TRPM6: variants seen among roughly 807,000 people sequenced by gnomAD.
The protein encoded by TRPM6 is transient receptor potential cation channel subfamily M member 6.
In TRPM6, 111 loss-of-function variants were observed where a neutral mutation model predicts 247.6. That is an observed-to-expected ratio of 0.45 (90% CI 0.38 to 0.52). The LOEUF is 0.52. Ranked by LOEUF, TRPM6 falls within the 20% of genes least tolerant of loss-of-function variation. TRPM6 has a pLI of 0.00. For synonymous variants in TRPM6, 892 were observed against 853.8 expected (o/e 1.04, Z -0.78); for missense variants, 2,126 against 2,421.5 (o/e 0.88, Z 2.56).
intron 24 of TRPM6, among the ~76,000 whole-genome samples, chr9:74,775,312 C>T (rs901551670): frequency 2.6e-5 from 4 of 152,156 alleles, no homozygotes; most frequent in African/African-American, 4.8e-5. Context: ...GCCTCAACCT[C>T]CTGAGTAGCT....
chr9:74,817,600 C>G (rs1828981660), intron 9 of TRPM6, among the ~76,000 whole-genome samples: 1 of 152,192 alleles, frequency 6.6e-6, no homozygotes, highest in Non-Finnish European at 1.5e-5. Flanking sequence ...CGGTCTTTGA[C>G]TCTTTTAAAG....
chr9:74,854,291 G>A (rs1425046134), intron 3 of TRPM6, among the ~76,000 whole-genome samples: 1 of 152,212 alleles, frequency 6.6e-6, no homozygotes, highest in Non-Finnish European at 1.5e-5. Flanking sequence ...TCTGAAGGTT[G>A]TGGGGTTGAG....
chr9:74,785,774 T>C lies in TRPM6; in HGVS notation c.2919+100A>G, dbSNP rs527701366. The C allele has an allele frequency of 9.4e-4, 1,259 of 1,346,408 alleles. 2 individuals carry two copies. Among genetic ancestry groups the C allele is most frequent in the South Asian group, 1.9e-3 (157 of 84,792 alleles). The allele number at this position is 1,346,408 out of a possible 1,614,324, so 83.4% of individuals were successfully genotyped here. A position where few individuals can be genotyped will look rare whatever the true frequency, so the allele number is the denominator to read the frequency against. On this transcript the variant is annotated intron_variant, in intron 21 of 38. Coordinates refer to ENST00000360774, the MANE Select transcript of TRPM6 (RefSeq NM_017662.5). The stretch of plus-strand genomic sequence containing the variant: ...TCCTGACCTTGTGATCCGCCCGCCT[T>C]GGCCTCCCAAAGTGCTGGGATTACA...
chr9:74,856,973 C>T (rs932495408), intron 2 of TRPM6, among the ~76,000 whole-genome samples: 5 of 152,148 alleles, frequency 3.3e-5, no homozygotes, highest in Non-Finnish European at 5.9e-5. Flanking sequence ...GAATTACAAT[C>T]GTTGATACTC....
At chr9:74,732,555 A>G (rs1302750006) in intron 37 of TRPM6, 130 bp downstream of exon 37, 5 of 658,166 alleles carry the variant, frequency 7.6e-6, no homozygotes, top group Admixed American at 2.8e-5. Flanking sequence ...TTTTTGGTCT[A>G]TATACATAAG....
chr9:74,828,934 T>C (rs1210153121), intron 6 of TRPM6, among the ~76,000 whole-genome samples: 1 of 152,186 alleles, frequency 6.6e-6, no homozygotes, highest in Non-Finnish European at 1.5e-5. Flanking sequence ...AAAAATAGTG[T>C]CTTTTTATAG....
At chr9:74,766,463 A>G (rs183211845) in intron 25 of TRPM6, among the ~76,000 whole-genome samples, 9 of 152,356 alleles carry the variant, frequency 5.9e-5, no homozygotes, top group Non-Finnish European at 1.3e-4. Context: ...AAATGAGATA[A>G]CGGCAAGTAT....
At chr9:74,740,190 A>G (rs1825819303) in intron 33 of TRPM6, among the ~76,000 whole-genome samples, 181 bp from the exon 34 acceptor site, 1 of 152,216 alleles carries the variant, frequency 6.6e-6, no homozygotes, top group Non-Finnish European at 1.5e-5. Flanking sequence ...CATGTTATTT[A>G]TTGTCTAGTA....
chr9:74,747,068 A>C (rs1262771932), intron 31 of TRPM6, among the ~76,000 whole-genome samples: 3 of 152,234 alleles, frequency 2.0e-5, no homozygotes, highest in Admixed American at 6.5e-5. Flanking sequence ...ATCAAATGCC[A>C]TGAGTTCAAC....
intron 19 of TRPM6, among the ~76,000 whole-genome samples, chr9:74,791,348 A>G (rs921685608): frequency 3.2e-4 from 48 of 152,234 alleles, no homozygotes; most frequent in African/African-American, 1.1e-3. Context: ...CAACACATTT[A>G]GATAAATATC....
intron 19 of TRPM6, among the ~76,000 whole-genome samples, chr9:74,791,847 C>G (rs972159757): frequency 4.2e-4 from 64 of 152,316 alleles, no homozygotes; most frequent in African/African-American, 1.2e-3. Flanking sequence ...GCTCTGCCCC[C>G]TGGGGTTCTC....
intron 38 of TRPM6, among the ~76,000 whole-genome samples, chr9:74,726,355 C>CA (rs1288909145): frequency 6.6e-6 from 1 of 151,946 alleles, no homozygotes; most frequent in Non-Finnish European, 1.5e-5. Flanking sequence ...ACTAAAAATA[C>CA]AAAAATTAGC....
rs372042493 is a variant in TRPM6 at position 74,781,508 on chromosome 9, G to C, written c.3209+854C>G. Among the ~76,000 whole-genome samples the C allele has an allele frequency of 2.4e-3, 327 of 133,634 alleles. 3 individuals carry two copies. The highest frequency in any genetic ancestry group is 0.01 in the South Asian group (41 of 3,930). The allele number at this position is 133,634 out of a possible 152,430, so 87.7% of individuals were successfully genotyped here. A position where few individuals can be genotyped will look rare whatever the true frequency, so the allele number is the denominator to read the frequency against. On this transcript the variant is annotated intron_variant, in intron 23 of 38. Transcript: ENST00000360774. ...CTGGGGTCACACCAACTGCACTCCA[G>C]CCTGGGTAACAGAGCAAGACTCTAT...
In TRPM6 at chr9:74,834,108, C is replaced by T; in HGVS notation, c.559G>A (p.Val187Ile). 6.2e-7 allele frequency: 1 copy of T among 1,614,110 alleles called. No homozygotes were observed. Among genetic ancestry groups the T allele is most frequent in the Non-Finnish European group, 8.5e-7 (1 of 1,179,964 alleles). The change falls in exon 6 of 39, where the codon GTT (valine) becomes ATT (isoleucine). Residue 187 changes from valine to isoleucine, a missense_variant. By Grantham distance (29) the Val-to-Ile change is conservative (BLOSUM62 3). Transcript: ENST00000360774. ...GAATGGGATTTCAAGGCATCCCCAA[C>T]ATGCTTGGACACTCCTATGAACAAC... ...EGINTGVSKHVGDALKSHSSH... is the reference protein window; with the variant it reads ...EGINTGVSKHIGDALKSHSSH...
At chr9:74,789,489 T>C (rs1243523477) in intron 19 of TRPM6, among the ~76,000 whole-genome samples, 1 of 152,216 alleles carries the variant, frequency 6.6e-6, no homozygotes, top group Non-Finnish European at 1.5e-5. Context: ...TCTTAAGATA[T>C]AGTCCCAGAA....
At chr9:74,750,961 T>A (rs1447138282) in intron 29 of TRPM6, among the ~76,000 whole-genome samples, 1 of 152,226 alleles carries the variant, frequency 6.6e-6, no homozygotes, top group African/African-American at 2.4e-5. Flanking sequence ...TTTAAGGAGA[T>A]ATCAAACAGA....
In TRPM6 at chr9:74,800,599, T is replaced by C. The variant is rs935198177; in HGVS notation, c.2010-117A>G. On this transcript the variant is annotated intron_variant, in intron 16 of 38. Coordinates refer to ENST00000360774, the MANE Select transcript of TRPM6 (RefSeq NM_017662.5). The stretch of plus-strand genomic sequence containing the variant: ...GATTGGATGTGAGGCTCAGAAAATA[T>C]CAATTCATAAGGCTTCCTTTAAAAA... 84 of 745,338 alleles carry C rather than the reference T, an allele frequency of 1.1e-4. No homozygotes were observed. The African/African-American group carries it at 1.5e-3, about 13-fold the overall frequency. 46.2% of individuals were successfully genotyped at this position (745,338 alleles called of 1,614,324 possible).
intron 1 of TRPM6, among the ~76,000 whole-genome samples, chr9:74,870,120 A>G (rs1379611168): frequency 6.6e-6 from 1 of 152,202 alleles, no homozygotes; most frequent in Non-Finnish European, 1.5e-5. Flanking sequence ...GACATTTCCC[A>G]AAGTAGGTTC....
chr9:74,724,846 TCTC>T (rs1825263372), intron 38 of TRPM6, 100 bp from the exon 39 acceptor site: 6 of 1,464,314 alleles, frequency 4.1e-6, no homozygotes, highest in Non-Finnish European at 4.7e-6. Flanking sequence ...TTCAGAGAGA[TCTC>T]CTCTTCCTCA....
Sources: gnomAD v4.1 joint callset for allele counts (sites outside exome capture counted in the v4.1 genomes callset) on GRCh38, gnomAD v4.1.1 for gene constraint, MANE v1.5 for transcripts, NCBI Gene and HGNC (gene_info 2026-07-23, HGNC 2026-07-21) for gene names.